The following PARD6G variants were observed in gnomAD, a reference collection of about 807,000 sequenced individuals.
The protein encoded by PARD6G is partitioning defective 6 homolog gamma.
In PARD6G, 7 loss-of-function variants were observed where a neutral mutation model predicts 10.7. The ratio of observed to expected loss-of-function variants is 0.66; its 90% CI spans 0.37 to 1.23. The LOEUF (loss-of-function observed/expected upper bound fraction) is 1.23. Among genes scored for constraint, PARD6G ranks in the 50% most tolerant of loss-of-function variants. The probability of loss-of-function intolerance (pLI) is 0.02; values close to 1 mark genes in which losing one functional copy is unlikely to be tolerated. For synonymous variants in PARD6G, 287 were observed against 269.4 expected (o/e 1.07, Z -0.64); for missense variants, 548 against 571.8 (o/e 0.96, Z 0.42).
At chr18:80,162,206 A>G (rs1236950142) in intron 2 of PARD6G, 6 of 152,164 alleles carry the variant, frequency 3.9e-5, no homozygotes, top group Admixed American at 3.9e-4. Flanking sequence ...GTCATCAGTT[A>G]TCAGCATAAT....
intron 1 of PARD6G, among the ~76,000 whole-genome samples, chr18:80,245,148 G>A (rs1195345421): frequency 6.6e-6 from 1 of 152,208 alleles, no homozygotes; most frequent in Non-Finnish European, 1.5e-5. Context: ...CAGGCAGGCT[G>A]ACACCCCAGG....
chr18:80,209,957 ATATC>A (rs1285316203), intron 1 of PARD6G, among the ~76,000 whole-genome samples: 1 of 152,228 alleles, frequency 6.6e-6, no homozygotes, highest in East Asian at 1.9e-4. Flanking sequence ...TCTATTAATC[ATATC>A]TATCTATTCC....
In PARD6G at chr18:80,158,181, A is replaced by G. The variant is rs1050481236; in HGVS notation, c.*1590T>C. The G allele has an allele frequency of 6.6e-6, 1 of 152,252 alleles. No individual in the cohort carries two copies. The highest frequency in any genetic ancestry group is 2.4e-5 in the African/African-American group (1 of 41,462). 9.4% of individuals were successfully genotyped at this position (152,252 alleles called of 1,614,324 possible). On this transcript the variant is annotated 3_prime_UTR_variant, in exon 3 of 3. Coordinates refer to ENST00000353265, the MANE Select transcript of PARD6G (RefSeq NM_032510.4). ...AGGATGAATTTAGTATTTGTTAAAA[A>G]TCACTAAGTTCCACGTGACTTCTTA...
rs1236097715 is a variant in PARD6G at position 80,228,347 on chromosome 18, G to A, written c.72+18930C>T. On this transcript the variant is annotated intron_variant, in intron 1 of 2. Coordinates refer to ENST00000353265, the MANE Select transcript of PARD6G (RefSeq NM_032510.4). This position sits in a 1 kb window ranked among gnomAD's most constrained non-coding sequence, Gnocchi z 4.6. ...GGGGAGTTCCCGGACACACGGTCCT[G>A]GAGAACACAGGCCACATGCACAAGG... Among the ~76,000 whole-genome samples, 2 of 152,106 alleles carry A rather than the reference G, an allele frequency of 1.3e-5. No individual in the cohort carries two copies. Among genetic ancestry groups the A allele is most frequent in the South Asian group, 2.1e-4 (1 of 4,832 alleles).
intron 1 of PARD6G, among the ~76,000 whole-genome samples, chr18:80,223,476 C>A (rs1967254229): frequency 6.6e-6 from 1 of 152,108 alleles, no homozygotes; most frequent in Non-Finnish European, 1.5e-5. Context: ...AATAGACATT[C>A]CCCAAAAAAG....
At chr18:80,168,245 G>C (rs1286984759) in intron 2 of PARD6G, among the ~76,000 whole-genome samples, 1 of 152,164 alleles carries the variant, frequency 6.6e-6, no homozygotes, top group East Asian at 1.9e-4. Context: ...ATGCAGCTGC[G>C]GTGGTATGGG....
chr18:80,202,935 A>G lies in PARD6G; in HGVS notation c.73-3T>C, dbSNP rs778045374. ...AACCTTCGGAATTCCGCCCCAAACT[A>G]CAATGCAAGAGACGGGGTGGGGGGA... On this transcript the variant is annotated splice_polypyrimidine_tract_variant and splice_region_variant and intron_variant, in intron 1 of 2. Transcript: ENST00000353265. 2.6e-6 allele frequency: 2 copies of G among 758,146 alleles called. No individual in the cohort carries two copies. The highest frequency in any genetic ancestry group is 2.7e-5 in the South Asian group (2 of 74,162). The allele number at this position is 758,146 out of a possible 1,614,324, so 47.0% of individuals were successfully genotyped here.
At chr18:80,187,289 C>T (rs1371373647) in intron 2 of PARD6G, among the ~76,000 whole-genome samples, 1 of 152,134 alleles carries the variant, frequency 6.6e-6, no homozygotes. Context: ...AGGCTCTGCA[C>T]AGCTGACTCC....
intron 1 of PARD6G, among the ~76,000 whole-genome samples, chr18:80,245,625 C>T (rs1967535863): frequency 1.3e-5 from 2 of 152,140 alleles, no homozygotes; most frequent in African/African-American, 2.4e-5. Flanking sequence ...CTCACAGCTA[C>T]TTGTGAATGT....
intron 1 of PARD6G, among the ~76,000 whole-genome samples, chr18:80,224,618 CG>C (rs1967269126): frequency 6.6e-6 from 1 of 152,176 alleles, no homozygotes; most frequent in South Asian, 2.1e-4. Context: ...GAGGCCGAGG[CG>C]GGCGGATCAC....
chr18:80,245,579 A>AG (rs1967535302), intron 1 of PARD6G, among the ~76,000 whole-genome samples: 1 of 152,170 alleles, frequency 6.6e-6, no homozygotes, highest in Non-Finnish European at 1.5e-5. Context: ...GGCTGAGCAA[A>AG]GGCTCAGAGG....
chr18:80,244,364 G>A (rs1306738557), intron 1 of PARD6G, among the ~76,000 whole-genome samples: 1 of 152,130 alleles, frequency 6.6e-6, no homozygotes, highest in Admixed American at 6.5e-5. Context: ...GTTTGGAGAA[G>A]TATAAGGGCT....
Position 80,210,720 on chromosome 18 carries a change from C to T in PARD6G, c.73-7788G>A, listed in dbSNP as rs542642841. On this transcript the variant is annotated intron_variant, in intron 1 of 2. Transcript: ENST00000353265. ...CAAAATAGGTTATCTACAAAGGGAA[C>T]GACTAATTATAAACAAATAATTATT... Among the ~76,000 whole-genome samples, 94 of 152,288 alleles carry T rather than the reference C, an allele frequency of 6.2e-4. 1 individual carries two copies. Among genetic ancestry groups the T allele is most frequent in the African/African-American group, 2.1e-3 (86 of 41,550 alleles).
intron 2 of PARD6G, among the ~76,000 whole-genome samples, chr18:80,194,920 C>T (rs1209776949): frequency 2.0e-5 from 3 of 152,130 alleles, no homozygotes; most frequent in Admixed American, 6.5e-5. Context: ...TAGAGACAAC[C>T]CTCCTGGGCC....
intron 2 of PARD6G, among the ~76,000 whole-genome samples, chr18:80,186,009 C>T (rs1293273447): frequency 1.4e-5 from 2 of 144,946 alleles, no homozygotes; most frequent in Non-Finnish European, 3.0e-5. Context: ...TGCTCGCACA[C>T]CCTCACACAC....
chr18:80,160,020 C>T lies in PARD6G; in HGVS notation c.882G>A (p.Glu294=), dbSNP rs1005607494. Residue 294 remains glutamate (E), a synonymous_variant, in exon 3 of 3, where the codon GAG becomes GAA. Transcript: ENST00000353265. ...VLQNFHPDEA[E]SDEDNDVVIE... Reference sequence around the variant, plus strand: ...TGACGACGTCGTTGTCCTCATCGCTCTCCGCCTCGTCGGGGTGGAAGTTCT... The same window carrying T: ...TGACGACGTCGTTGTCCTCATCGCTTTCCGCCTCGTCGGGGTGGAAGTTCT... The T allele has an allele frequency of 3.9e-6, 6 of 1,533,886 alleles. No homozygotes were observed. The South Asian group carries it at 7.7e-5, about 20-fold the overall frequency.
At chr18:80,195,572 T>TATATATATATATATATACAC (rs894731117) in intron 2 of PARD6G, among the ~76,000 whole-genome samples, 12 of 87,346 alleles carry the variant, frequency 1.4e-4, no homozygotes, top group African/African-American at 6.5e-4. Context: ...TATATATATA[T>TATATATATATATATATACAC]ACACACATTT....
At chr18:80,170,442 A>C (rs8093107) in intron 2 of PARD6G, 28,397 of 152,402 alleles carry the variant, frequency 0.19, 2,845 homozygotes, top group Middle Eastern at 0.29. Flanking sequence ...CTGCCAGAGC[A>C]AATCTATTTT....
chr18:80,203,665 G>T (rs547103139), intron 1 of PARD6G, among the ~76,000 whole-genome samples: 2 of 152,318 alleles, frequency 1.3e-5, no homozygotes, highest in South Asian at 4.1e-4. Context: ...TGCACAGCTT[G>T]GGGCAGGGCT....
Sources: allele counts gnomAD v4.1 joint callset (sites outside exome capture counted in the v4.1 genomes callset), GRCh38; gene constraint gnomAD v4.1.1; non-coding constraint Gnocchi (gnomAD v3.1); transcripts MANE v1.5; gene names NCBI Gene and HGNC (gene_info 2026-07-23, HGNC 2026-07-21).